Variants in ASTN2 observed in about 807,000 individuals in gnomAD.
ASTN2 encodes the protein astrotactin-2.
In ASTN2, 54 loss-of-function variants were observed where a neutral mutation model predicts 139.8. The ratio of observed to expected loss-of-function variants is 0.39; its 90% CI spans 0.31 to 0.48. The LOEUF (loss-of-function observed/expected upper bound fraction) is 0.48, where lower values mean the gene tolerates loss of function less well. ASTN2 is among the 20% of genes least tolerant of loss of function. The pLI is 0.95. For synonymous variants in ASTN2, 756 were observed against 719.5 expected, an observed-to-expected ratio of 1.05 and a Z score of -0.81; for missense variants, 1,565 against 1,725.1, an observed-to-expected ratio of 0.91 and a Z score of 1.64.
intron 2 of ASTN2, among the ~76,000 whole-genome samples, chr9:117,223,934 C>A (rs976015908): frequency 6.6e-6 from 1 of 152,054 alleles, no homozygotes; most frequent in Non-Finnish European, 1.5e-5. Context: ...ATTTTACTTC[C>A]AAAGATAATG....
At chr9:116,930,017 C>T (rs779608908) in intron 10 of ASTN2, among the ~76,000 whole-genome samples, 1 of 152,170 alleles carries the variant, frequency 6.6e-6, no homozygotes, top group African/African-American at 2.4e-5. Context: ...GGGAAGGATG[C>T]TTGCTGGAGG....
At chr9:116,534,967 A>T (rs1045663663) in intron 19 of ASTN2, among the ~76,000 whole-genome samples, 2 of 152,216 alleles carry the variant, frequency 1.3e-5, no homozygotes, top group Non-Finnish European at 2.9e-5. Flanking sequence ...GGGGTGTTAA[A>T]GTCTCCCATT....
At chr9:117,378,645 C>A (rs1045096120) in intron 1 of ASTN2, among the ~76,000 whole-genome samples, 9 of 152,200 alleles carry the variant, frequency 5.9e-5, no homozygotes, top group Non-Finnish European at 1.3e-4. Flanking sequence ...GTTCAAGTTT[C>A]TGCTCTGTCC....
In ASTN2 at chr9:116,431,336, T is replaced by C. The variant is rs373103853; in HGVS notation, c.3783-5248A>G. ...TGAGCTTAAGTGTCTCTGTGTTAGC[T>C]GTCCCGAAGCTTAATGAGAATTGAG... On this transcript the variant is annotated intron_variant, in intron 22 of 22. Coordinates refer to ENST00000313400, the MANE Select transcript of ASTN2 (RefSeq NM_001365068.1). 1.3e-4 allele frequency among the ~76,000 whole-genome samples: 20 copies of C among 152,280 alleles called. No homozygotes were observed. In the East Asian group the frequency reaches 2.1e-3, roughly 16 times the overall value.
chr9:117,131,093 G>T (rs902574473), intron 4 of ASTN2, among the ~76,000 whole-genome samples: 4 of 152,164 alleles, frequency 2.6e-5, no homozygotes, highest in Non-Finnish European at 5.9e-5. Flanking sequence ...TATGTATTTT[G>T]TTAAATTTCA....
intron 19 of ASTN2, among the ~76,000 whole-genome samples, chr9:116,586,833 C>T (rs148603744): frequency 1.7e-4 from 20 of 118,132 alleles, no homozygotes; most frequent in African/African-American, 5.0e-4. Flanking sequence ...CACATACATA[C>T]ACACACACAC....
chr9:117,169,388 GA>G (rs1274458657), intron 3 of ASTN2, among the ~76,000 whole-genome samples: 2 of 152,134 alleles, frequency 1.3e-5, no homozygotes, highest in Non-Finnish European at 2.9e-5. Flanking sequence ...AAAGAAAAAA[GA>G]AAGGAAGAGG....
At chr9:117,153,491 C>A (rs184647806) in intron 3 of ASTN2, among the ~76,000 whole-genome samples, 1 of 152,038 alleles carries the variant, frequency 6.6e-6, no homozygotes, top group Non-Finnish European at 1.5e-5. Flanking sequence ...AAACACAACC[C>A]TTCAAGATAC....
chr9:116,473,052 G>A (rs74978209), intron 20 of ASTN2, among the ~76,000 whole-genome samples: 5,768 of 152,100 alleles, frequency 0.038, 361 homozygotes, highest in African/African-American at 0.13. Flanking sequence ...TACCTTAGAG[G>A]GTACCATATT....
At chr9:117,084,101 C>T (rs1382975239) in intron 5 of ASTN2, among the ~76,000 whole-genome samples, 3 of 151,282 alleles carry the variant, frequency 2.0e-5, no homozygotes, top group African/African-American at 7.3e-5. Flanking sequence ...AGAATAGAGA[C>T]AGATAGGAGC....
intron 16 of ASTN2, among the ~76,000 whole-genome samples, chr9:116,695,781 C>T (rs1447011435): frequency 1.3e-5 from 2 of 152,148 alleles, no homozygotes; most frequent in Non-Finnish European, 2.9e-5. Flanking sequence ...TGAGATCTCT[C>T]TGGGTCAACT....
chr9:117,265,253 A>T (rs905658999), intron 2 of ASTN2, among the ~76,000 whole-genome samples: 2 of 152,242 alleles, frequency 1.3e-5, no homozygotes, highest in African/African-American at 4.8e-5. Flanking sequence ...TTATAAAGCC[A>T]GATGCCACTG....
intron 20 of ASTN2, among the ~76,000 whole-genome samples, chr9:116,472,970 A>G (rs1848863456): frequency 6.6e-6 from 1 of 151,990 alleles, no homozygotes; most frequent in South Asian, 2.1e-4. Context: ...CCATTTACTA[A>G]TAAGATGACC....
chr9:116,967,075 A>G (rs4838045), intron 10 of ASTN2, among the ~76,000 whole-genome samples: 40,711 of 152,084 alleles, frequency 0.27, 5,703 homozygotes, highest in Admixed American at 0.36. Flanking sequence ...CAATAACTAC[A>G]TCACTGAGTT....
Position 116,699,216 on chromosome 9 carries a change from A to G in ASTN2, c.2806+26555T>C. On this transcript the variant is annotated intron_variant, in intron 16 of 22. Coordinates refer to ENST00000313400, the MANE Select transcript of ASTN2 (RefSeq NM_001365068.1). The surrounding 1 kb of genome is among the most constrained non-coding windows in gnomAD (Gnocchi z 4.2). ...TGTAGTAACCGATGTGGAAGGTGGA[A>G]AGCTTTGGTGTTTCACAGTTGATCG... is the stretch of plus-strand genomic sequence containing the variant. 1 of 1,614,196 alleles carries G rather than the reference A, an allele frequency of 6.2e-7. No homozygotes were observed. Among genetic ancestry groups the G allele is most frequent in the East Asian group, 2.2e-5 (1 of 44,866 alleles).
chr9:116,565,386 TCC>T (rs1491145624), intron 19 of ASTN2, among the ~76,000 whole-genome samples: 583 of 15,870 alleles, frequency 0.037, 12 homozygotes, highest in Middle Eastern at 0.071. Context: ...TCTCTCTCTC[TCC>T]ATATATATAT....
At chr9:116,523,993 G>A (rs1290946996) in intron 19 of ASTN2, among the ~76,000 whole-genome samples, 4 of 152,130 alleles carry the variant, frequency 2.6e-5, no homozygotes, top group Non-Finnish European at 5.9e-5. Flanking sequence ...AGCAAGGAGA[G>A]AAAGGCCATT....
intron 8 of ASTN2, 80 bp from the exon 9 acceptor site, chr9:116,976,268 T>G: frequency 8.4e-7 from 1 of 1,185,770 alleles, no homozygotes; most frequent in Non-Finnish European, 1.2e-6. Flanking sequence ...TGCTCTAGAG[T>G]AGCTTTACAA....
chr9:117,288,530 G>A (rs1315089379), intron 2 of ASTN2, among the ~76,000 whole-genome samples: 1 of 152,196 alleles, frequency 6.6e-6, no homozygotes, highest in African/African-American at 2.4e-5. Flanking sequence ...GTCATGAATT[G>A]CCAGACACAA....
Sources: gnomAD v4.1 joint callset for allele counts (sites outside exome capture counted in the v4.1 genomes callset) on GRCh38, gnomAD v4.1.1 for gene constraint, Gnocchi (gnomAD v3.1) non-coding constraint, MANE v1.5 for transcripts, NCBI Gene and HGNC (gene_info 2026-07-23, HGNC 2026-07-21) for gene names.